CELF1: variants seen among roughly 807,000 people sequenced by gnomAD.
CELF1 encodes CUGBP Elav-like family member 1.
In CELF1, 10 loss-of-function variants were observed where a neutral mutation model predicts 61.8. The ratio of observed to expected loss-of-function variants is 0.16; its 90% CI spans 0.10 to 0.27. The LOEUF (loss-of-function observed/expected upper bound fraction) is 0.27, where lower values mean the gene tolerates loss of function less well. Ranked by LOEUF, CELF1 falls within the 10% of genes least tolerant of loss-of-function variation. The pLI is 1.00. For missense variants in CELF1, 380 were observed against 639.1 expected, an observed-to-expected ratio of 0.59 and a Z score of 4.37; for synonymous variants, 236 against 225.1, an observed-to-expected ratio of 1.05 and a Z score of -0.43.
At chr11:47,546,519 C>T (rs2153745121) in intron 1 of CELF1, among the ~76,000 whole-genome samples, 1 of 152,264 alleles carries the variant, frequency 6.6e-6, no homozygotes, top group Middle Eastern at 3.4e-3. Flanking sequence ...GTATGAGCCA[C>T]CACGCCGGGC....
At position 47,482,525 on chromosome 11, in the gene CELF1, G is replaced by T. The variant is rs556824893; in HGVS notation, c.768+170C>A. 19 of 551,464 alleles carry T rather than the reference G, an allele frequency of 3.4e-5. No homozygotes were observed. The East Asian group carries it at 3.9e-4, about 11-fold the overall frequency. The allele number at this position is 551,464 out of a possible 1,614,324, so 34.2% of individuals were successfully genotyped here. On this transcript the variant is annotated intron_variant, in intron 9 of 14. Coordinates refer to ENST00000687097, the MANE Select transcript of CELF1 (RefSeq NM_001376376.1). Reference sequence around the variant, plus strand: ...ATGTCCAGAGATACATATATATAGAGAGAGAAAGAGACTAACAGGACTAAA... The same window carrying T: ...ATGTCCAGAGATACATATATATAGATAGAGAAAGAGACTAACAGGACTAAA...
upstream of CELF1, among the ~76,000 whole-genome samples, chr11:47,555,497 C>G (rs1465024763): frequency 6.6e-6 from 1 of 152,098 alleles, no homozygotes; most frequent in Non-Finnish European, 1.5e-5. Flanking sequence ...ATTTAGTTAC[C>G]AAGGAAGGCC....
Position 47,481,081 on chromosome 11 carries a change from GTTTTTTTTTTTTTTCTTCTTCTTTTTTTT to G in CELF1, c.768+1585_768+1613del, listed in dbSNP as rs1310096360. Among the ~76,000 whole-genome samples, 142 of 92,870 alleles carry G rather than the reference GTTTTTTTTTTTTTTCTTCTTCTTTTTTTT, an allele frequency of 1.5e-3. 1 individual carries two copies. The highest frequency in any genetic ancestry group is 2.6e-3 in the Admixed American group (20 of 7,570). The allele number at this position is 92,870 out of a possible 152,430, so 60.9% of individuals were successfully genotyped here. Reference sequence around the variant, plus strand: ...GAAATACTAGCTAGGATAAACTGGGGTTTTTTTTTTTTTTCTTCTTCTTTTTTTTTTTTTTTTTTTTTTTTTGTGAGACA... The same window carrying G: ...GAAATACTAGCTAGGATAAACTGGGGTTTTTTTTTTTTTTTTTGTGAGACA... On this transcript the variant is annotated intron_variant, in intron 9 of 14. Transcript: ENST00000687097.
At chr11:47,508,435 G>A (rs533682245) in intron 1 of CELF1, among the ~76,000 whole-genome samples, 52 of 152,018 alleles carry the variant, frequency 3.4e-4, no homozygotes, top group Middle Eastern at 3.4e-3. Flanking sequence ...GGGAGATCTG[G>A]AGTTGTTAAG....
At chr11:47,532,659 G>C (rs2096517790) in intron 1 of CELF1, among the ~76,000 whole-genome samples, 1 of 152,124 alleles carries the variant, frequency 6.6e-6, no homozygotes, top group Admixed American at 6.6e-5. Context: ...ATCTCTATGT[G>C]AATTTAAGTA....
chr11:47,477,089 G>T, intron 11 of CELF1, 130 bp from the exon 12 acceptor site: 1 of 893,848 alleles, frequency 1.1e-6, no homozygotes, highest in Non-Finnish European at 1.8e-6. Flanking sequence ...AACTGTCCTT[G>T]CAGGACAGAG....
intron 1 of CELF1, among the ~76,000 whole-genome samples, chr11:47,510,789 A>G (rs1477068581): frequency 6.6e-6 from 1 of 152,068 alleles, no homozygotes; most frequent in Non-Finnish European, 1.5e-5. Flanking sequence ...CATCTGGCCA[A>G]CTCACTCTTA....
intron 8 of CELF1, 65 bp downstream of exon 8, chr11:47,483,388 T>C (rs2084652285): frequency 3.1e-6 from 4 of 1,298,898 alleles, no homozygotes; most frequent in Non-Finnish European, 4.5e-6. Flanking sequence ...TGCTGGACTT[T>C]AATGGCCAAC....
At chr11:47,529,544 AGCCACTTGG>A (rs1452450679) in intron 1 of CELF1, among the ~76,000 whole-genome samples, 3 of 152,112 alleles carry the variant, frequency 2.0e-5, no homozygotes, top group Non-Finnish European at 2.9e-5. Flanking sequence ...AAATAGTCCC[AGCCACTTGG>A]GAGGCTGAGG....
intron 1 of CELF1, among the ~76,000 whole-genome samples, chr11:47,517,484 T>C (rs891928632): frequency 5.9e-5 from 9 of 151,960 alleles, no homozygotes; most frequent in Non-Finnish European, 1.0e-4. Flanking sequence ...TTAAAGAAAA[T>C]AAGGCAGCTA....
intron 1 of CELF1, among the ~76,000 whole-genome samples, chr11:47,541,267 A>G (rs1184568341): frequency 7.0e-6 from 1 of 142,102 alleles, no homozygotes; most frequent in Non-Finnish European, 1.5e-5. Context: ...AATATCATAC[A>G]TATTCACACA....
intron 1 of CELF1, among the ~76,000 whole-genome samples, chr11:47,533,742 AG>A (rs1192856469): frequency 2.1e-5 from 3 of 139,634 alleles, no homozygotes; most frequent in African/African-American, 7.8e-5. Context: ...CCTAAGAGGC[AG>A]GGGTTACAGT....
rs553960140 is a variant in CELF1 at position 47,491,570 on chromosome 11, C to T, written c.72-2546G>A. On this transcript the variant is annotated intron_variant, in intron 3 of 14. Transcript: ENST00000687097. ...AGACAAATGGAATATAGACCAATTC[C>T]TAACCCTATATCTGTGAAGGCTCCC... Among the ~76,000 whole-genome samples, 17 of 152,336 alleles carry T rather than the reference C, an allele frequency of 1.1e-4. No homozygotes were observed. The South Asian group carries it at 3.3e-3, about 30-fold the overall frequency.
upstream of CELF1, among the ~76,000 whole-genome samples, chr11:47,555,999 C>CA (rs34873224): frequency 0.03 from 1,592 of 52,726 alleles, 33 homozygotes; most frequent in African/African-American, 0.066. Context: ...GACTCTGTCT[C>CA]AAAAAAAAAA....
intron 5 of CELF1, 38 bp from the exon 6 acceptor site, chr11:47,486,836 T>G: frequency 1.4e-6 from 2 of 1,471,984 alleles, no homozygotes; most frequent in Non-Finnish European, 1.9e-6. Context: ...ACTGTATATA[T>G]TGATGGTATT....
At chr11:47,513,680 C>T (rs1247672385) in intron 1 of CELF1, 2 of 151,780 alleles carry the variant, frequency 1.3e-5, no homozygotes, top group Admixed American at 1.3e-4. Context: ...TGGTCTCGAT[C>T]TCCTGACCTC....
chr11:47,560,013 A>G (rs538140879), intron 2 of CELF1, among the ~76,000 whole-genome samples: 5 of 151,160 alleles, frequency 3.3e-5, no homozygotes, highest in Non-Finnish European at 5.9e-5. Flanking sequence ...AAAAAAAAAA[A>G]AAAAAGCCAG....
intron 1 of CELF1, among the ~76,000 whole-genome samples, chr11:47,511,870 A>T (rs1177061144): frequency 6.6e-6 from 1 of 152,038 alleles, no homozygotes; most frequent in Non-Finnish European, 1.5e-5. Flanking sequence ...TTTTTTTGAG[A>T]CAGAGTCTCT....
rs1475030180 is a variant in CELF1, at chr11:47,553,043, C to T, written c.-205G>A. 2.5e-6 allele frequency: 1 copy of T among 401,454 alleles called. No individual in the cohort carries two copies. The highest frequency in any genetic ancestry group is 4.4e-6 in the Non-Finnish European group (1 of 228,456). 24.9% of individuals were successfully genotyped at this position (401,454 alleles called of 1,614,324 possible). On this transcript the variant is annotated 5_prime_UTR_variant, in exon 1 of 15. Coordinates refer to ENST00000687097, the MANE Select transcript of CELF1 (RefSeq NM_001376376.1). Reference sequence around the variant, plus strand: ...GCCTCAGTTGCTGCCTGCGCCTCCGCAGCCGCCGCCGCCGCCTCGCTGCTG... The same window carrying T: ...GCCTCAGTTGCTGCCTGCGCCTCCGTAGCCGCCGCCGCCGCCTCGCTGCTG...
Sources: gnomAD v4.1 joint callset for allele counts (sites outside exome capture counted in the v4.1 genomes callset) on GRCh38, gnomAD v4.1.1 for gene constraint, MANE v1.5 for transcripts, NCBI Gene and HGNC (gene_info 2026-07-23, HGNC 2026-07-21) for gene names.